FBXO42: variants seen among roughly 807,000 people sequenced by gnomAD.
FBXO42 encodes F-box protein 42, also known as F-box only protein 42.
FBXO42 carries 12 observed loss-of-function variants against 71.7 expected under a neutral mutation model. That is an observed-to-expected ratio of 0.17 (90% CI 0.11 to 0.27). FBXO42 has a LOEUF of 0.27. FBXO42 is among the 10% of genes least tolerant of loss of function. The pLI, the probability that FBXO42 is intolerant of heterozygous loss-of-function variation, is 1.00. For synonymous variants in FBXO42, 325 were observed against 327.5 expected, an observed-to-expected ratio of 0.99 and a Z score of 0.08; for missense variants, 707 against 911.9, an observed-to-expected ratio of 0.78 and a Z score of 2.89.
chr1:16,314,828 G>A (rs979527890), intron 2 of FBXO42, among the ~76,000 whole-genome samples: 4 of 151,450 alleles, frequency 2.6e-5, no homozygotes, highest in African/African-American at 9.7e-5. Context: ...AGCTTGCAGT[G>A]AGCCGAGATT....
intron 2 of FBXO42, among the ~76,000 whole-genome samples, chr1:16,310,570 A>G (rs747431385): frequency 3.9e-5 from 6 of 152,100 alleles, no homozygotes; most frequent in Non-Finnish European, 8.8e-5. Flanking sequence ...CATTAAAACT[A>G]AAAGTTTCTG....
intron 1 of FBXO42, among the ~76,000 whole-genome samples, chr1:16,316,547 G>A (rs574086887): frequency 6.6e-6 from 1 of 151,320 alleles, no homozygotes; most frequent in African/African-American, 2.4e-5. Context: ...ACCAGCGTGG[G>A]CAACATGGCG....
chr1:16,314,808 C>T (rs914049046), intron 2 of FBXO42, among the ~76,000 whole-genome samples: 10 of 151,388 alleles, frequency 6.6e-5, no homozygotes, highest in South Asian at 2.1e-4. Flanking sequence ...AACATGACCC[C>T]GGGAGGCAGA....
chr1:16,321,617 T>TGG (rs2100589264), intron 1 of FBXO42, among the ~76,000 whole-genome samples: 1 of 152,128 alleles, frequency 6.6e-6, no homozygotes, highest in South Asian at 2.1e-4. Flanking sequence ...TTTGTCTTCT[T>TGG]AGTACTAGGC....
rs143780545 is a variant in FBXO42 at position 16,306,308 on chromosome 1, C to T, written c.251-389G>A. ...CTGAGATTACAGGCATGAGCCACCG[C>T]GCCCAGCCTATAAGACAAGTTTCTT... is the stretch of plus-strand genomic sequence containing the variant. On this transcript the variant is annotated intron_variant, in intron 2 of 9. Coordinates refer to ENST00000375592, the MANE Select transcript of FBXO42 (RefSeq NM_018994.3). 4.5e-3 allele frequency among the ~76,000 whole-genome samples: 685 copies of T among 152,236 alleles called. 7 individuals carry two copies. The highest frequency in any genetic ancestry group is 0.016 in the African/African-American group (657 of 41,544).
intron 1 of FBXO42, among the ~76,000 whole-genome samples, chr1:16,319,490 G>C (rs1233715080): frequency 2.0e-5 from 3 of 152,176 alleles, no homozygotes; most frequent in Admixed American, 6.6e-5. Context: ...CTACTTGGAA[G>C]GACTGGAGTG....
At chr1:16,272,671 A>T (rs1439349276) in intron 4 of FBXO42, among the ~76,000 whole-genome samples, 5 of 152,178 alleles carry the variant, frequency 3.3e-5, no homozygotes, top group Non-Finnish European at 7.4e-5. Flanking sequence ...CCACACTTTG[A>T]TCCCTAACTA....
rs1225296643 is a variant in FBXO42 at position 16,248,554 on chromosome 1, T to C, written c.*2116A>G. Reference sequence around the variant, plus strand: ...GTACTTTCAGGTTTCTAATATACTTTATATTTAGATAGGAACTACTGAGTT... The same window carrying C: ...GTACTTTCAGGTTTCTAATATACTTCATATTTAGATAGGAACTACTGAGTT... On this transcript the variant is annotated 3_prime_UTR_variant, in exon 10 of 10. Transcript: ENST00000375592. 1.3e-5 allele frequency: 2 copies of C among 152,180 alleles called. No homozygotes were observed. Among genetic ancestry groups the C allele is most frequent in the African/African-American group, 4.8e-5 (2 of 41,426 alleles). The allele number at this position is 152,180 out of a possible 1,614,324, so 9.4% of individuals were successfully genotyped here.
At chr1:16,264,375 A>T (rs1361782034) in intron 4 of FBXO42, among the ~76,000 whole-genome samples, 1 of 152,228 alleles carries the variant, frequency 6.6e-6, no homozygotes, top group South Asian at 2.1e-4. Flanking sequence ...GATGAAATAA[A>T]TACTGCTCCT....
rs866135395 is a variant in FBXO42 at position 16,296,716 on chromosome 1, G to A, written c.368-1799C>T. Among the ~76,000 whole-genome samples the A allele has an allele frequency of 7.1e-4, 108 of 151,460 alleles. 1 individual carries two copies. In the Middle Eastern group the frequency reaches 0.01, roughly 15 times the overall value. On this transcript the variant is annotated intron_variant, in intron 3 of 9. Transcript: ENST00000375592. The stretch of plus-strand genomic sequence containing the variant: ...GAAATTCACAGATTCATTGCCCTGT[G>A]CATGGCTTTAATGATCATCTAGCAT...
At chr1:16,289,077 A>G (rs2082052428) in intron 4 of FBXO42, among the ~76,000 whole-genome samples, 1 of 151,700 alleles carries the variant, frequency 6.6e-6, no homozygotes, top group African/African-American at 2.4e-5. Context: ...CATTTCCTAA[A>G]TAGAAGCAAA....
intron 5 of FBXO42, 50 bp downstream of exon 5, chr1:16,256,556 G>C (rs1340098688): frequency 1.9e-6 from 3 of 1,588,796 alleles, no homozygotes; most frequent in Non-Finnish European, 2.6e-6. Context: ...AGAATCCACT[G>C]ATTTAAGGCC....
intron 1 of FBXO42, among the ~76,000 whole-genome samples, chr1:16,317,757 C>G (rs946469943): frequency 2.6e-5 from 4 of 151,850 alleles, no homozygotes; most frequent in East Asian, 1.9e-4. Context: ...GACACCATCT[C>G]TACAAAAAAA....
At position 16,255,337 on chromosome 1, in the gene FBXO42, C is replaced by CT. The variant is rs35405854; in HGVS notation, c.767+373dup. On this transcript the variant is annotated intron_variant, in intron 6 of 9. Coordinates refer to ENST00000375592, the MANE Select transcript of FBXO42 (RefSeq NM_018994.3). ...GCTCAGGAATACTGACCCTAACTTA[C>CT]TTTTTTTTTTTTTTTCCTTAAGAGT... Among the ~76,000 whole-genome samples, 711 of 144,842 alleles carry CT rather than the reference C, an allele frequency of 4.9e-3. 2 individuals are homozygous for CT. The highest frequency in any genetic ancestry group is 0.014 in the African/African-American group (562 of 39,480).
intron 1 of FBXO42, among the ~76,000 whole-genome samples, chr1:16,348,606 C>T (rs1464688837): frequency 6.6e-6 from 1 of 152,058 alleles, no homozygotes; most frequent in Non-Finnish European, 1.5e-5. Context: ...GAGGCTGAGG[C>T]AGGAGAATCG....
chr1:16,324,967 G>A (rs962235332), intron 1 of FBXO42, among the ~76,000 whole-genome samples: 1 of 152,158 alleles, frequency 6.6e-6, no homozygotes, highest in African/African-American at 2.4e-5. Context: ...GCTGGGTGCA[G>A]TGGCTCACAC....
At chr1:16,253,861 G>A (rs1255436027) in intron 6 of FBXO42, 130 bp from the exon 7 acceptor site, 6 of 738,856 alleles carry the variant, frequency 8.1e-6, no homozygotes, top group Non-Finnish European at 1.3e-5. Flanking sequence ...AGACTGTGTG[G>A]GCTGGAGCAG....
At chr1:16,277,740 T>A (rs1181984877) in intron 4 of FBXO42, among the ~76,000 whole-genome samples, 34 of 143,710 alleles carry the variant, frequency 2.4e-4, no homozygotes, top group African/African-American at 8.4e-4. Context: ...AAAAAAAAAA[T>A]TAAAAAATTC....
intron 1 of FBXO42, among the ~76,000 whole-genome samples, chr1:16,330,490 G>C (rs1000212435): frequency 3.3e-5 from 5 of 151,664 alleles, no homozygotes; most frequent in East Asian, 1.9e-4. Context: ...CTGTGTGACA[G>C]AGTGAGATCC....
Sources: allele counts gnomAD v4.1 joint callset (sites outside exome capture counted in the v4.1 genomes callset), GRCh38; gene constraint gnomAD v4.1.1; transcripts MANE v1.5; gene names NCBI Gene and HGNC (gene_info 2026-07-23, HGNC 2026-07-21).